ERN1: variants seen among roughly 807,000 people sequenced by gnomAD.
ERN1 encodes the protein serine/threonine-protein kinase/endoribonuclease IRE1.
Under a neutral mutation model 113.1 loss-of-function variants are expected in ERN1, and 39 were observed. The ratio of observed to expected loss-of-function variants is 0.34; its 90% CI spans 0.27 to 0.45. ERN1 has a LOEUF of 0.45. Among genes scored for constraint, ERN1 ranks in the 20% least tolerant of loss-of-function variants. ERN1 has a pLI of 1.00. For missense variants in ERN1, 976 were observed against 1,274.8 expected (o/e 0.77, Z 3.57); for synonymous variants, 507 against 515.9 (o/e 0.98, Z 0.23).
intron 11 of ERN1, among the ~76,000 whole-genome samples, 179 bp from the exon 12 acceptor site, chr17:64,058,172 T>C (rs987205834): frequency 1.2e-4 from 19 of 152,212 alleles, no homozygotes; most frequent in African/African-American, 3.4e-4. Context: ...TTCAAAGCAA[T>C]TGCTTTGAGA....
At chr17:64,070,921 C>A (rs1275082683) in intron 6 of ERN1, among the ~76,000 whole-genome samples, 1 of 152,190 alleles carries the variant, frequency 6.6e-6, no homozygotes, top group Admixed American at 6.5e-5. Flanking sequence ...AAACATTGAG[C>A]CCCTGCTACA....
intron 1 of ERN1, among the ~76,000 whole-genome samples, chr17:64,124,892 G>A (rs1298702005): frequency 1.3e-5 from 2 of 152,184 alleles, no homozygotes; most frequent in African/African-American, 4.8e-5. Flanking sequence ...CATAATGTAT[G>A]ATTCCATTTA....
intron 2 of ERN1, among the ~76,000 whole-genome samples, chr17:64,088,692 C>T (rs1407321619): frequency 2.6e-5 from 4 of 152,092 alleles, no homozygotes; most frequent in Non-Finnish European, 4.4e-5. Context: ...GTTTGAGTTA[C>T]GAAGCTAATA....
At chr17:64,077,303 A>G (rs1913622810) in intron 4 of ERN1, among the ~76,000 whole-genome samples, 1 of 152,188 alleles carries the variant, frequency 6.6e-6, no homozygotes, top group African/African-American at 2.4e-5. Context: ...CTTCCTACTG[A>G]TGCATAATAC....
chr17:64,061,503 G>C (rs1162090705), intron 10 of ERN1, among the ~76,000 whole-genome samples: 1 of 152,224 alleles, frequency 6.6e-6, no homozygotes, highest in East Asian at 1.9e-4. Context: ...ACAGGAACTA[G>C]TCTAAGCTGT....
At chr17:64,088,031 A>C (rs1483094328) in intron 2 of ERN1, among the ~76,000 whole-genome samples, 1 of 152,210 alleles carries the variant, frequency 6.6e-6, no homozygotes, top group Non-Finnish European at 1.5e-5. Context: ...TTCGAGATTG[A>C]CGGCCTCTCT....
intron 2 of ERN1, among the ~76,000 whole-genome samples, chr17:64,092,890 T>C (rs141147382): frequency 1.5e-4 from 23 of 152,274 alleles, no homozygotes; most frequent in African/African-American, 5.1e-4. Context: ...AGTACAGAGA[T>C]GAAATATATT....
chr17:64,060,278 C>T (rs1913010058), intron 11 of ERN1, among the ~76,000 whole-genome samples, 191 bp downstream of exon 11: 1 of 152,186 alleles, frequency 6.6e-6, no homozygotes, highest in African/African-American at 2.4e-5. Flanking sequence ...TTTCCTGCAC[C>T]TTCTTTCACA....
chr17:64,117,336 G>A (rs755309794), intron 1 of ERN1, among the ~76,000 whole-genome samples: 1 of 151,720 alleles, frequency 6.6e-6, no homozygotes, highest in African/African-American at 2.4e-5. Context: ...CCAGCTACTC[G>A]GGAGGCTGAA....
At chr17:64,120,415 C>T (rs556241898) in intron 1 of ERN1, among the ~76,000 whole-genome samples, 5 of 152,236 alleles carry the variant, frequency 3.3e-5, no homozygotes, top group South Asian at 2.1e-4. Flanking sequence ...CAGAAAAATT[C>T]GGTTTCCATG....
At chr17:64,124,863 G>A (rs2143511820) in intron 1 of ERN1, among the ~76,000 whole-genome samples, 1 of 152,274 alleles carries the variant, frequency 6.6e-6, no homozygotes, top group South Asian at 2.1e-4. Flanking sequence ...AAGTTAAAGA[G>A]GCCAGTTACA....
intron 2 of ERN1, among the ~76,000 whole-genome samples, chr17:64,092,481 T>G (rs1257776308): frequency 6.6e-6 from 1 of 152,180 alleles, no homozygotes; most frequent in East Asian, 1.9e-4. Context: ...ACTCAGAACC[T>G]GGAGTAGTAT....
rs1320779072 is a variant in ERN1, at chr17:64,054,623, T to C, written c.1763+115A>G. On this transcript the variant is annotated intron_variant, in intron 14 of 21. Transcript: ENST00000433197. This position sits in a 1 kb window ranked among gnomAD's most constrained non-coding sequence, Gnocchi z 4.9. ...CAAGCTCCCTGGAGGCCGGACTCCATGCGTCTAGGTCACTGCTTTGACCCT... is the reference window on the plus strand; with the variant it reads ...CAAGCTCCCTGGAGGCCGGACTCCACGCGTCTAGGTCACTGCTTTGACCCT... 2 of 993,538 alleles carry C rather than the reference T, an allele frequency of 2.0e-6. No individual in the cohort carries two copies. Among genetic ancestry groups the C allele is most frequent in the East Asian group, 2.6e-5 (1 of 38,168 alleles). The allele number at this position is 993,538 out of a possible 1,614,324, so 61.5% of individuals were successfully genotyped here. A position where few individuals can be genotyped will look rare whatever the true frequency, so the allele number is the denominator to read the frequency against.
intron 1 of ERN1, among the ~76,000 whole-genome samples, chr17:64,111,078 C>T (rs1914659327): frequency 1.3e-5 from 2 of 151,900 alleles, no homozygotes; most frequent in African/African-American, 4.8e-5. Context: ...AGAACTCCCT[C>T]GTGAAAAGGG....
chr17:64,078,230 A>C (rs905639718), intron 4 of ERN1, among the ~76,000 whole-genome samples: 2 of 152,208 alleles, frequency 1.3e-5, no homozygotes, highest in Non-Finnish European at 2.9e-5. Context: ...CATTCTGGTG[A>C]GTAGCAGTAT....
Position 64,109,480 on chromosome 17 carries a change from C to T in ERN1, c.55-11239G>A, listed in dbSNP as rs114509110. On this transcript the variant is annotated intron_variant, in intron 1 of 21. Transcript: ENST00000433197. ...CTTGACTGACTTCTGCCAGCCAGGACCCCCATTGTTTGAAGTTGATTTGAG... is the reference window on the plus strand; with the variant it reads ...CTTGACTGACTTCTGCCAGCCAGGATCCCCATTGTTTGAAGTTGATTTGAG... Among the ~76,000 whole-genome samples the T allele has an allele frequency of 1.7e-3, 256 of 152,286 alleles. 2 individuals are homozygous for T. The highest frequency in any genetic ancestry group is 5.9e-3 in the African/African-American group (245 of 41,554).
chr17:64,112,831 C>G (rs1379783309), intron 1 of ERN1, among the ~76,000 whole-genome samples: 2 of 152,192 alleles, frequency 1.3e-5, no homozygotes, highest in Non-Finnish European at 2.9e-5. Context: ...AAGTCACCAA[C>G]TCTAGTCTAA....
At chr17:64,083,083 T>C (rs1486775973) in intron 2 of ERN1, among the ~76,000 whole-genome samples, 2 of 152,150 alleles carry the variant, frequency 1.3e-5, no homozygotes, top group Admixed American at 6.5e-5. Flanking sequence ...TTAAGAATCA[T>C]CTGAATTCAA....
intron 17 of ERN1, among the ~76,000 whole-genome samples, chr17:64,050,226 G>A (rs921727746): frequency 6.6e-5 from 10 of 151,984 alleles, no homozygotes; most frequent in African/African-American, 2.4e-4. Context: ...TGCTGGATTC[G>A]GGACAGGAGG....
Sources: allele counts gnomAD v4.1 joint callset (sites outside exome capture counted in the v4.1 genomes callset), GRCh38; gene constraint gnomAD v4.1.1; non-coding constraint Gnocchi (gnomAD v3.1); transcripts MANE v1.5; gene names NCBI Gene and HGNC (gene_info 2026-07-23, HGNC 2026-07-21).